Variants in PEMT observed in about 807,000 individuals in gnomAD.
PEMT encodes the protein phospholipid methyltransferase.
In PEMT, 23 loss-of-function variants were observed where a neutral mutation model predicts 27.4. The ratio of observed to expected loss-of-function variants is 0.84; its 90% confidence interval spans 0.60 to 1.19. The LOEUF is 1.19. PEMT is among the 50% of genes most tolerant of loss of function. The probability of loss-of-function intolerance (pLI) is 0.00; values close to 1 mark genes in which losing one functional copy is unlikely to be tolerated. For missense variants in PEMT, 307 were observed against 310.1 expected (o/e 0.99, Z 0.07); for synonymous variants, 137 against 139.1 (o/e 0.98, Z 0.11).
intron 2 of PEMT, among the ~76,000 whole-genome samples, chr17:17,575,693 T>C (rs1279607608): frequency 6.6e-6 from 1 of 152,184 alleles, no homozygotes; most frequent in African/African-American, 2.4e-5. Flanking sequence ...CCGGGAGGCC[T>C]GTGTTTGGCT....
chr17:17,516,362 C>T (rs1487995772), intron 3 of PEMT, among the ~76,000 whole-genome samples: 13 of 151,672 alleles, frequency 8.6e-5, no homozygotes, highest in African/African-American at 2.9e-4. Context: ...CGGGCTTTGA[C>T]GCTGCACTAA....
At chr17:17,548,450 C>T (rs1185887024) in intron 2 of PEMT, among the ~76,000 whole-genome samples, 1 of 152,230 alleles carries the variant, frequency 6.6e-6, no homozygotes, top group African/African-American at 2.4e-5. Context: ...GAGATCATGT[C>T]ACCTGGGCCC....
intron 3 of PEMT, among the ~76,000 whole-genome samples, chr17:17,519,321 C>T (rs1284594960): frequency 6.6e-6 from 1 of 152,156 alleles, no homozygotes; most frequent in African/African-American, 2.4e-5. Flanking sequence ...AAAAGCAGCC[C>T]AGGACATCCT....
intron 2 of PEMT, among the ~76,000 whole-genome samples, chr17:17,560,233 G>A (rs371635189): frequency 6.6e-6 from 1 of 152,188 alleles, no homozygotes; most frequent in Non-Finnish European, 1.5e-5. Context: ...CCCCAGCCTC[G>A]GGGACACCAG....
chr17:17,587,986 T>C (rs1275311214), intron 1 of PEMT, among the ~76,000 whole-genome samples: 1 of 152,192 alleles, frequency 6.6e-6, no homozygotes, highest in African/African-American at 2.4e-5. Flanking sequence ...AAGGATAATA[T>C]GTTAGGACCA....
rs138108310 is a variant in PEMT at position 17,547,687 on chromosome 17, C to T, written c.205-25292G>A. ...CCTCCTCCTCCTCATCCTCCTCGTC[C>T]TCCTCCTCCTGTCTGGGGCACAGCC... On this transcript the variant is annotated intron_variant, in intron 2 of 6. Coordinates refer to ENST00000255389, the MANE Select transcript of PEMT (RefSeq NM_148172.3). Among the ~76,000 whole-genome samples, 867 of 152,186 alleles carry T rather than the reference C, an allele frequency of 5.7e-3. 12 individuals carry two copies. The highest frequency in any genetic ancestry group is 0.02 in the African/African-American group (826 of 41,508).
chr17:17,575,010 G>A (rs977580744), intron 2 of PEMT, among the ~76,000 whole-genome samples: 2 of 152,188 alleles, frequency 1.3e-5, no homozygotes, highest in African/African-American at 2.4e-5. Flanking sequence ...CCCTGGCCTC[G>A]CTTCCTGTGG....
At chr17:17,508,504 A>G (rs1483780139) in intron 5 of PEMT, among the ~76,000 whole-genome samples, 1 of 152,256 alleles carries the variant, frequency 6.6e-6, no homozygotes, top group Non-Finnish European at 1.5e-5. Flanking sequence ...TTCACTGTTT[A>G]CGATTCACTC....
At chr17:17,591,498 CCA>C in intron 1 of PEMT, 31 bp downstream of exon 1, 1 of 1,555,530 alleles carries the variant, frequency 6.4e-7, no homozygotes, top group Non-Finnish European at 8.8e-7. Context: ...GATCCCTCTC[CCA>C]GTTTCCGCGG....
At chr17:17,511,424 G>A (rs1213810462) in intron 4 of PEMT, among the ~76,000 whole-genome samples, 1 of 152,196 alleles carries the variant, frequency 6.6e-6, no homozygotes, top group Non-Finnish European at 1.5e-5. Context: ...TTCCTCCCTC[G>A]GGGGGACCCC....
intron 2 of PEMT, among the ~76,000 whole-genome samples, chr17:17,554,438 G>A (rs1158067006): frequency 6.6e-6 from 1 of 152,142 alleles, no homozygotes; most frequent in African/African-American, 2.4e-5. Context: ...GAACGTGTTC[G>A]GAAGGCAGAG....
chr17:17,516,020 G>A (rs1016285664), intron 3 of PEMT, among the ~76,000 whole-genome samples: 1 of 152,132 alleles, frequency 6.6e-6, no homozygotes, highest in African/African-American at 2.4e-5. Flanking sequence ...CACACACCAG[G>A]CCAGAGGCAC....
chr17:17,543,361 G>A (rs1277503585), intron 2 of PEMT, among the ~76,000 whole-genome samples: 1 of 152,198 alleles, frequency 6.6e-6, no homozygotes, highest in Non-Finnish European at 1.5e-5. Context: ...CCAGGACCCA[G>A]CCCTTCACCA....
In PEMT at chr17:17,591,530, C is replaced by G; in HGVS notation, c.96+1G>C. On this transcript the variant is annotated splice_donor_variant, in intron 1 of 6. Coordinates refer to ENST00000255389, the MANE Select transcript of PEMT (RefSeq NM_148172.3). LOFTEE classifies it high-confidence loss of function. ...CCGCGGCGGTCCGGTGCGGTCAGTACCTGTCTAAAATCAATATTGCCGAGG... is the reference window on the plus strand; with the variant it reads ...CCGCGGCGGTCCGGTGCGGTCAGTAGCTGTCTAAAATCAATATTGCCGAGG... 6.2e-7 allele frequency: 1 copy of G among 1,610,950 alleles called. No individual in the cohort carries two copies. The highest frequency in any genetic ancestry group is 8.5e-7 in the Non-Finnish European group (1 of 1,177,504).
intron 2 of PEMT, among the ~76,000 whole-genome samples, chr17:17,542,478 G>A (rs538768635): frequency 6.6e-6 from 1 of 152,258 alleles, no homozygotes; most frequent in East Asian, 1.9e-4. Flanking sequence ...ATTACCTCCC[G>A]CCACCTCCAA....
intron 2 of PEMT, among the ~76,000 whole-genome samples, chr17:17,562,628 G>A (rs1227643469): frequency 6.6e-6 from 1 of 152,196 alleles, no homozygotes. Context: ...GGCCAACATG[G>A]TGAAACCTTG....
intron 2 of PEMT, among the ~76,000 whole-genome samples, chr17:17,536,505 C>T (rs971715917): frequency 1.3e-5 from 2 of 152,184 alleles, no homozygotes; most frequent in African/African-American, 4.8e-5. Context: ...CCAGGCAGTC[C>T]CCAACCTTCC....
At chr17:17,534,562 C>T (rs964963988) in intron 2 of PEMT, among the ~76,000 whole-genome samples, 1 of 152,236 alleles carries the variant, frequency 6.6e-6, no homozygotes, top group Admixed American at 6.5e-5. Context: ...GGCACAGCGG[C>T]TCTTGCCTGT....
chr17:17,527,162 C>A (rs929453992), intron 2 of PEMT, among the ~76,000 whole-genome samples: 1 of 152,198 alleles, frequency 6.6e-6, no homozygotes, highest in Non-Finnish European at 1.5e-5. Context: ...CTCAGCCTCC[C>A]GAGTAGCTGG....
Sources: allele counts gnomAD v4.1 joint callset (sites outside exome capture counted in the v4.1 genomes callset), GRCh38; gene constraint gnomAD v4.1.1; transcripts MANE v1.5; gene names NCBI Gene and HGNC (gene_info 2026-07-23, HGNC 2026-07-21).